COPB1: variants seen among roughly 807,000 people sequenced by gnomAD.
COPB1 encodes the protein coat protein complex I subunit beta 1, also known as coatomer subunit beta.
A neutral mutation model predicts 108.7 loss-of-function variants in COPB1; 21 were observed. That is an observed-to-expected ratio of 0.19 (90% confidence interval 0.14 to 0.28). The LOEUF (loss-of-function observed/expected upper bound fraction) is 0.28, where lower values mean the gene tolerates loss of function less well. Ranked by LOEUF, COPB1 falls within the 10% of genes least tolerant of loss-of-function variation. The pLI, the probability that COPB1 is intolerant of heterozygous loss-of-function variation, is 1.00. For synonymous variants in COPB1, 378 were observed against 386.8 expected, an observed-to-expected ratio of 0.98 and a Z score of 0.27; for missense variants, 919 against 1,141.3, an observed-to-expected ratio of 0.81 and a Z score of 2.81.
rs562199123 is a variant in COPB1, at chr11:14,475,676, T to C, written c.1616+109A>G. On this transcript the variant is annotated intron_variant, in intron 13 of 21. Transcript: ENST00000439561. ...TCTCAAGTACCTTAAATGGCAAAGA[T>C]TTTCATTTTGGTTGCAAAAGCAAGA... is the stretch of plus-strand genomic sequence containing the variant. 2.5e-6 allele frequency: 3 copies of C among 1,178,542 alleles called. No individual in the cohort carries two copies. The South Asian group carries it at 7.8e-5, about 31-fold the overall frequency. 73.0% of individuals were successfully genotyped at this position (1,178,542 alleles called of 1,614,324 possible).
intron 20 of COPB1, 53 bp from the exon 21 acceptor site, chr11:14,458,740 CA>C: frequency 6.9e-7 from 1 of 1,456,882 alleles, no homozygotes; most frequent in Non-Finnish European, 9.3e-7. Flanking sequence ...TACATAGAGG[CA>C]AAAACCAAAC....
chr11:14,467,765 T>C (rs1339780523), intron 16 of COPB1, among the ~76,000 whole-genome samples: 3 of 152,232 alleles, frequency 2.0e-5, no homozygotes, highest in Non-Finnish European at 4.4e-5. Context: ...GAAGACATTA[T>C]ACTGAGTGAA....
At chr11:14,472,388 G>A (rs1850427854) in intron 14 of COPB1, among the ~76,000 whole-genome samples, 1 of 152,200 alleles carries the variant, frequency 6.6e-6, no homozygotes, top group Admixed American at 6.5e-5. Flanking sequence ...AAGAGGATGT[G>A]CTGACATCCA....
At position 14,460,193 on chromosome 11, in the gene COPB1, C is replaced by G. The variant is rs376516852; in HGVS notation, c.2646+15G>C. ...CCATTCCATCAGATTTCTGAATTTCCTAGTCAAATTTTACCTTTTCTGGAG... is the reference window on the plus strand; with the variant it reads ...CCATTCCATCAGATTTCTGAATTTCGTAGTCAAATTTTACCTTTTCTGGAG... On this transcript the variant is annotated intron_variant, in intron 20 of 21. Coordinates refer to ENST00000439561, the MANE Select transcript of COPB1 (RefSeq NM_001144061.2). The G allele has an allele frequency of 1.1e-4, 173 of 1,532,530 alleles. No individual in the cohort carries two copies. The highest frequency in any genetic ancestry group is 1.5e-4 in the Non-Finnish European group (169 of 1,108,942). The allele number at this position is 1,532,530 out of a possible 1,614,324, so 94.9% of individuals were successfully genotyped here.
At chr11:14,483,230 ACAC>A in intron 7 of COPB1, 79 bp from the exon 8 acceptor site, 1 of 52,638 alleles carries the variant, frequency 1.9e-5, no homozygotes, top group South Asian at 5.7e-4. Context: ...CGCGCACACC[ACAC>A]ACACACACAC....
chr11:14,477,446 C>T (rs1042732192), intron 11 of COPB1, among the ~76,000 whole-genome samples: 2 of 148,752 alleles, frequency 1.3e-5, no homozygotes, highest in African/African-American at 5.0e-5. Flanking sequence ...AATCCTAGCA[C>T]ATTCGGAGGC....
chr11:14,478,034 A>G (rs948649401), intron 11 of COPB1, among the ~76,000 whole-genome samples: 4 of 152,066 alleles, frequency 2.6e-5, no homozygotes, highest in African/African-American at 9.7e-5. Flanking sequence ...AACAAAAACC[A>G]ACAAGATTCT....
chr11:14,490,812 C>CA, intron 4 of COPB1, 133 bp from the exon 5 acceptor site: 1 of 563,676 alleles, frequency 1.8e-6, no homozygotes, highest in Non-Finnish European at 3.1e-6. Context: ...TTTTTGGAGA[C>CA]AGAGTCTCAC....
Position 14,481,048 on chromosome 11 carries a change from A to T in COPB1, c.1007T>A (p.Val336Glu). 1 of 1,613,906 alleles carries T rather than the reference A, an allele frequency of 6.2e-7. No homozygotes were observed. The highest frequency in any genetic ancestry group is 8.5e-7 in the Non-Finnish European group (1 of 1,179,948). The change falls in exon 9 of 22, where the codon GTA (valine) becomes GAA (glutamate). Residue 336 changes from valine (V) to glutamate (E), a missense_variant. Around this residue, in one of 5 missense-constraint regions of COPB1, gnomAD observed 705 missense variants for 817.8 expected, o/e 0.86. Coordinates refer to ENST00000439561, the MANE Select transcript of COPB1 (RefSeq NM_001144061.2). ...LRVLSTPDLE[V>E]RKKTLQLALD... is the part of the protein sequence containing the mutation. ...TGCTAACTGCAGAGTTTTCTTTCGTACTTCTAAGTCTGGTGTGCTCAATAC... is the reference window on the plus strand; with the variant it reads ...TGCTAACTGCAGAGTTTTCTTTCGTTCTTCTAAGTCTGGTGTGCTCAATAC...
At chr11:14,476,223 C>T (rs1850516793) in intron 12 of COPB1, among the ~76,000 whole-genome samples, 3 of 152,182 alleles carry the variant, frequency 2.0e-5, no homozygotes, top group Admixed American at 2.0e-4. Context: ...TCTTTCTACA[C>T]ATTTTACCTA....
intron 8 of COPB1, among the ~76,000 whole-genome samples, chr11:14,481,561 A>G (rs1020654982): frequency 6.6e-6 from 1 of 152,246 alleles, no homozygotes; most frequent in African/African-American, 2.4e-5. Context: ...CAAACTAAAC[A>G]AAAAGGGCTT....
intron 4 of COPB1, among the ~76,000 whole-genome samples, chr11:14,492,317 A>C (rs1850920881): frequency 6.6e-6 from 1 of 151,636 alleles, no homozygotes; most frequent in South Asian, 2.1e-4. Context: ...AAAGGAACTC[A>C]CCCTACATTA....
chr11:14,459,994 A>G (rs1850109102), intron 20 of COPB1: 6 of 425,262 alleles, frequency 1.4e-5, no homozygotes, highest in Non-Finnish European at 2.5e-5. Flanking sequence ...TAATCTGACT[A>G]TTCAGTTGGG....
rs1012788655 is a variant in COPB1, at chr11:14,468,708, T to C, written c.2118A>G (p.Ala706=). 1.2e-6 allele frequency: 2 copies of C among 1,614,130 alleles called. No individual in the cohort carries two copies. Among genetic ancestry groups the C allele is most frequent in the East Asian group, 4.5e-5 (2 of 44,876 alleles). The change falls in exon 16 of 22, where the codon GCA becomes GCG. Residue 706 remains alanine, a synonymous_variant. Coordinates refer to ENST00000439561, the MANE Select transcript of COPB1 (RefSeq NM_001144061.2). ...TGTTAAGTTTAGATGCTAGGGGATC[T>C]GCTGCCTCTTTCCTCTGTGTGTTAC... The part of the protein sequence containing the change: ...AMGNTQRKEA[A]DPLASKLNKV...
Position 14,483,140 on chromosome 11 carries a change from C to G in COPB1, c.849G>C (p.Gln283His). ...SAPTAIKAAA[Q>H]CYIDLIIKES... ...CCTTAATAATTAAATCAATGTAACA[C>G]TGAGCAGCAGCCTATATAAAAAAAG... is the stretch of plus-strand genomic sequence containing the variant. Residue 283 changes from glutamine to histidine, a missense_variant, in exon 8 of 22, where the codon CAG (glutamine) becomes CAC (histidine). Physicochemically the swap from Gln to His is conservative, Grantham distance 24. This residue lies in a region of COPB1 where 705 missense variants were observed against 817.8 expected (regional missense o/e 0.86). Coordinates refer to ENST00000439561, the MANE Select transcript of COPB1 (RefSeq NM_001144061.2). 1 of 1,563,160 alleles carries G rather than the reference C, an allele frequency of 6.4e-7. No homozygotes were observed. The highest frequency in any genetic ancestry group is 1.1e-5 in the South Asian group (1 of 87,286).
intron 4 of COPB1, 54 bp from the exon 5 acceptor site, chr11:14,490,733 T>C: frequency 1.0e-6 from 1 of 973,284 alleles, no homozygotes; most frequent in Non-Finnish European, 1.6e-6. Context: ...TTTACTATTT[T>C]AGTAACTCTC....
chr11:14,464,894 A>G lies in COPB1; in HGVS notation c.2410+17T>C. On this transcript the variant is annotated intron_variant, in intron 18 of 21. Transcript: ENST00000439561. Reference sequence around the variant, plus strand: ...TAAAAGTATTCAAACATTACATGCCATAAAACAGCACCTTACCTATATTAC... The same window carrying G: ...TAAAAGTATTCAAACATTACATGCCGTAAAACAGCACCTTACCTATATTAC... 1 of 1,608,984 alleles carries G rather than the reference A, an allele frequency of 6.2e-7. No individual in the cohort carries two copies. The highest frequency in any genetic ancestry group is 8.5e-7 in the Non-Finnish European group (1 of 1,177,212).
Position 14,466,422 on chromosome 11 carries a change from G to T in COPB1, c.2150C>A (p.Thr717Asn). 2 of 1,609,838 alleles carry T rather than the reference G, an allele frequency of 1.2e-6. No individual in the cohort carries two copies. Among genetic ancestry groups the T allele is most frequent in the Middle Eastern group, 1.7e-4 (1 of 6,054 alleles). Residue 717 changes from threonine to asparagine, a missense_variant, in exon 17 of 22, where the codon ACC becomes AAC. Thr to Asn is a moderately conservative substitution (Grantham distance 65, BLOSUM62 0). Transcript: ENST00000439561. ...AGGATCTGAGAAACCTGTCAATTGG[G>T]TGACCTGTCAAAACAAAAACAAAGA... ...DPLASKLNKV[T>N]QLTGFSDPVY... is the part of the protein sequence containing the mutation.
At chr11:14,478,611 T>C (rs1850581956) in intron 11 of COPB1, among the ~76,000 whole-genome samples, 1 of 151,712 alleles carries the variant, frequency 6.6e-6, no homozygotes, top group South Asian at 2.1e-4. Flanking sequence ...CATTCATTCA[T>C]TCATTTAGAT....
Sources: allele counts gnomAD v4.1 joint callset (sites outside exome capture counted in the v4.1 genomes callset), GRCh38; gene constraint gnomAD v4.1.1; regional missense constraint gnomAD v4.1.1; transcripts MANE v1.5; gene names NCBI Gene and HGNC (gene_info 2026-07-23, HGNC 2026-07-21).